Variants in XRN2 observed in about 807,000 individuals in gnomAD.
The protein encoded by XRN2 is DHM1-like protein.
XRN2 carries 44 observed loss-of-function variants against 138.5 expected under a neutral mutation model. The observed-to-expected ratio is 0.32, with a 90% CI of 0.25 to 0.41. XRN2 has a LOEUF of 0.41. Ranked by LOEUF, XRN2 falls within the 10% of genes least tolerant of loss-of-function variation. The probability of loss-of-function intolerance (pLI) is 1.00; values close to 1 mark genes in which losing one functional copy is unlikely to be tolerated. For missense variants in XRN2, 937 were observed against 1,169.3 expected (o/e 0.80, Z 2.90); for synonymous variants, 354 against 369.4 (o/e 0.96, Z 0.48).
At chr20:21,347,946 C>G (rs886370792) in intron 17 of XRN2, among the ~76,000 whole-genome samples, 200 bp from the exon 18 acceptor site, 2 of 152,034 alleles carry the variant, frequency 1.3e-5, no homozygotes, top group Non-Finnish European at 2.9e-5. Flanking sequence ...AGTCAAAGAG[C>G]CATTGATATG....
chr20:21,333,435 G>A, intron 9 of XRN2, 109 bp from the exon 10 acceptor site: 2 of 1,093,086 alleles, frequency 1.8e-6, no homozygotes, highest in Non-Finnish European at 2.8e-6. Flanking sequence ...TTAAATACTT[G>A]TGATATTAAA....
intron 27 of XRN2, among the ~76,000 whole-genome samples, chr20:21,377,264 C>CTTTTTTCTTTTTTTTTTTTT (rs1555788239): frequency 6.0e-5 from 5 of 82,782 alleles, no homozygotes; most frequent in African/African-American, 2.7e-4. Context: ...TCGGTTTTTT[C>CTTTTTTCTTTTTTTTTTTTT]TTTTTTTTTT....
Position 21,333,978 on chromosome 20 carries a change from T to C in XRN2, c.1109T>C (p.Val370Ala), listed in dbSNP as rs2038252167. The C allele has an allele frequency of 1.2e-6, 2 of 1,614,140 alleles. No homozygotes were observed. The highest frequency in any genetic ancestry group is 3.3e-4 in the Middle Eastern group (2 of 6,060). The change falls in exon 12 of 30, where the codon GTG becomes GCG. Residue 370 changes from valine (V) to alanine (A), a missense_variant. By Grantham distance (64) the Val-to-Ala change is moderately conservative. Around this residue, in one of 6 missense-constraint regions of XRN2, gnomAD observed 471 missense variants for 581.2 expected, o/e 0.81. Transcript: ENST00000377191. ...IDRLVNIYKN[V>A]VHKTGGYLTE... The stretch of plus-strand genomic sequence containing the variant: ...CGTTTGGTTAACATATACAAAAATG[T>C]GGTACACAAAACTGGGGTAAGTTCA...
chr20:21,358,282 C>G (rs1483210281), intron 24 of XRN2, among the ~76,000 whole-genome samples: 3 of 152,144 alleles, frequency 2.0e-5, no homozygotes, highest in African/African-American at 7.2e-5. Context: ...CAATTATAAA[C>G]TTAAAGGGCT....
intron 1 of XRN2, among the ~76,000 whole-genome samples, chr20:21,324,335 T>C (rs2122195586): frequency 6.6e-6 from 1 of 152,294 alleles, no homozygotes; most frequent in African/African-American, 2.4e-5. Context: ...CCCAGTTGCA[T>C]TCCCGTGATT....
chr20:21,340,666 A>G, intron 14 of XRN2, 55 bp from the exon 15 acceptor site: 7 of 1,586,638 alleles, frequency 4.4e-6, no homozygotes, highest in Non-Finnish European at 6.0e-6. Flanking sequence ...CCTTTCTGTC[A>G]TCTAACTGTG....
At chr20:21,381,093 A>C (rs980940316) in intron 27 of XRN2, among the ~76,000 whole-genome samples, 1 of 151,586 alleles carries the variant, frequency 6.6e-6, no homozygotes, top group Non-Finnish European at 1.5e-5. Flanking sequence ...TAAGCTTTCA[A>C]CTCTTCTTTT....
intron 14 of XRN2, 106 bp from the exon 15 acceptor site, chr20:21,340,615 A>G (rs1303270173): frequency 7.7e-7 from 1 of 1,294,490 alleles, no homozygotes; most frequent in South Asian, 1.4e-5. Context: ...TGAGTTTTGT[A>G]AAGTGCTTAC....
chr20:21,376,499 A>G (rs11905977), intron 27 of XRN2, among the ~76,000 whole-genome samples: 12,672 of 152,092 alleles, frequency 0.083, 698 homozygotes, highest in African/African-American at 0.16. Flanking sequence ...TCCCTTGCTG[A>G]TTTAATTTGG....
intron 26 of XRN2, among the ~76,000 whole-genome samples, chr20:21,366,723 C>T (rs1372535570): frequency 6.6e-6 from 1 of 152,134 alleles, no homozygotes; most frequent in Non-Finnish European, 1.5e-5. Context: ...AAAACCTAAA[C>T]AGGCATTTTG....
At chr20:21,369,871 T>C (rs755399564) in intron 27 of XRN2, among the ~76,000 whole-genome samples, 2 of 152,218 alleles carry the variant, frequency 1.3e-5, no homozygotes, top group Non-Finnish European at 2.9e-5. Flanking sequence ...CTTTTTAACT[T>C]GATGTGATTA....
In XRN2 at chr20:21,332,425, A is replaced by G; in HGVS notation, c.843A>G (p.Arg281=). The change falls in exon 9 of 30, where the codon AGA becomes AGG. Residue 281 remains arginine, a synonymous_variant. Transcript: ENST00000377191. ...TCAAAGATTGTGAAGGTTTGCCAAG[A>G]GAAAAGAAGGGAAAGGTAAGAACTT... ...HEVKDCEGLP[R]EKKGKHDELA... 1 of 1,609,188 alleles carries G rather than the reference A, an allele frequency of 6.2e-7. No homozygotes were observed. Among genetic ancestry groups the G allele is most frequent in the East Asian group, 2.2e-5 (1 of 44,822 alleles).
chr20:21,319,304 C>T (rs767291600), intron 1 of XRN2, among the ~76,000 whole-genome samples: 78 of 152,124 alleles, frequency 5.1e-4, no homozygotes, highest in Non-Finnish European at 8.7e-4. Flanking sequence ...GTAGATAACG[C>T]AGAGTTAGAT....
intron 24 of XRN2, among the ~76,000 whole-genome samples, chr20:21,361,893 A>G (rs912535860): frequency 6.6e-6 from 1 of 152,242 alleles, no homozygotes; most frequent in Admixed American, 6.5e-5. Flanking sequence ...AAATTAAGAT[A>G]CTAAGAATCT....
In XRN2 at chr20:21,368,494, A is replaced by G. The variant is rs1284245780; in HGVS notation, c.2488A>G (p.Ile830Val). Residue 830 changes from isoleucine (I) to valine (V), a missense_variant, in exon 27 of 30, where the codon ATT (isoleucine) becomes GTT (valine). Transcript: ENST00000377191. The stretch of plus-strand genomic sequence containing the variant: ...GATGCCAAGAGGCTCAGGAACTGGC[A>G]TTTACAGCAATGCTGCACCACCACC... ...HVMPRGSGTG[I>V]YSNAAPPPVT... 1 of 1,614,024 alleles carries G rather than the reference A, an allele frequency of 6.2e-7. No homozygotes were observed. Among genetic ancestry groups the G allele is most frequent in the Non-Finnish European group, 8.5e-7 (1 of 1,179,948 alleles).
rs186477868 is a variant in XRN2 at position 21,335,736 on chromosome 20, T to C, written c.1233+1551T>C. 4.6e-3 allele frequency among the ~76,000 whole-genome samples: 697 copies of C among 152,350 alleles called. 2 individuals carry two copies. The highest frequency in any genetic ancestry group is 6.8e-3 in the Middle Eastern group (2 of 294). Reference sequence around the variant, plus strand: ...ACCACTTGGTTTAAAAACCTTGAGTTACAGTAGCTTCTACTGTCTCTTTAG... The same window carrying C: ...ACCACTTGGTTTAAAAACCTTGAGTCACAGTAGCTTCTACTGTCTCTTTAG... On this transcript the variant is annotated intron_variant, in intron 13 of 29. Coordinates refer to ENST00000377191, the MANE Select transcript of XRN2 (RefSeq NM_012255.5).
At chr20:21,359,478 G>A (rs942998189) in intron 24 of XRN2, among the ~76,000 whole-genome samples, 6 of 151,358 alleles carry the variant, frequency 4.0e-5, no homozygotes, top group Admixed American at 3.9e-4. Flanking sequence ...CGAGGCCTCA[G>A]TGAGCCAAGA....
chr20:21,379,780 C>G (rs867774241), intron 27 of XRN2, among the ~76,000 whole-genome samples: 9 of 152,162 alleles, frequency 5.9e-5, no homozygotes, highest in Admixed American at 2.0e-4. Context: ...TCCAGTTCTA[C>G]TTAGAAATAC....
intron 13 of XRN2, among the ~76,000 whole-genome samples, chr20:21,334,540 G>A (rs978427427): frequency 1.3e-5 from 2 of 152,170 alleles, no homozygotes; most frequent in African/African-American, 4.8e-5. Context: ...AGGAAGACAG[G>A]TTAAGAAGAA....
Sources: allele counts gnomAD v4.1 joint callset (sites outside exome capture counted in the v4.1 genomes callset), GRCh38; gene constraint gnomAD v4.1.1; regional missense constraint gnomAD v4.1.1; transcripts MANE v1.5; gene names NCBI Gene and HGNC (gene_info 2026-07-23, HGNC 2026-07-21).